Variants in SUSD1 observed in about 807,000 individuals in gnomAD.
SUSD1 encodes sushi domain-containing protein 1.
A neutral mutation model predicts 86.9 loss-of-function variants in SUSD1; 65 were observed. The ratio of observed to expected loss-of-function variants is 0.75; its 90% CI spans 0.61 to 0.92. SUSD1 has a LOEUF of 0.92. Among genes scored for constraint, SUSD1 ranks in the 40% least tolerant of loss-of-function variants. SUSD1 has a pLI of 0.00. For synonymous variants in SUSD1, 346 were observed against 350.0 expected (o/e 0.99, Z 0.13); for missense variants, 850 against 929.7 (o/e 0.91, Z 1.11).
intron 4 of SUSD1, 61 bp from the exon 5 acceptor site, chr9:112,142,560 T>G: frequency 1.8e-5 from 28 of 1,536,124 alleles, no homozygotes; most frequent in Non-Finnish European, 2.5e-5. Flanking sequence ...AAATTCACAA[T>G]CTCTCTCCAC....
intron 10 of SUSD1, among the ~76,000 whole-genome samples, chr9:112,095,654 A>C (rs1448997101): frequency 6.6e-6 from 1 of 152,196 alleles, no homozygotes. Context: ...AGGAAGTAGG[A>C]CTCACAGGCA....
chr9:112,057,390 C>A (rs1008965946), intron 14 of SUSD1, among the ~76,000 whole-genome samples: 2 of 152,200 alleles, frequency 1.3e-5, no homozygotes, highest in Non-Finnish European at 2.9e-5. Context: ...CTCTAAATTG[C>A]ACTCATGTTG....
chr9:112,130,227 G>T (rs1285694908), intron 5 of SUSD1, among the ~76,000 whole-genome samples: 1 of 152,112 alleles, frequency 6.6e-6, no homozygotes, highest in Non-Finnish European at 1.5e-5. Flanking sequence ...ACAAAAATCA[G>T]TCAGGTGTGG....
rs143115914 is a variant in SUSD1 at position 112,050,111 on chromosome 9, T to C, written c.2149+2288A>G. ...TTAATTATTCTGATAAAAGCATCTCTTTTCCTCGTGAGAACGCCATGCCCA... is the reference window on the plus strand; with the variant it reads ...TTAATTATTCTGATAAAAGCATCTCCTTTCCTCGTGAGAACGCCATGCCCA... On this transcript the variant is annotated intron_variant, in intron 15 of 16. Transcript: ENST00000374270. Among the ~76,000 whole-genome samples, 576 of 152,328 alleles carry C rather than the reference T, an allele frequency of 3.8e-3. 6 individuals carry two copies. The highest frequency in any genetic ancestry group is 0.013 in the African/African-American group (549 of 41,558).
intron 8 of SUSD1, among the ~76,000 whole-genome samples, chr9:112,107,911 T>G (rs1830920428): frequency 6.6e-6 from 1 of 152,194 alleles, no homozygotes. Context: ...TTAATAAAGT[T>G]GACTTAATAA....
intron 5 of SUSD1, among the ~76,000 whole-genome samples, chr9:112,138,764 T>C (rs1271590098): frequency 1.3e-5 from 2 of 152,182 alleles, no homozygotes; most frequent in Non-Finnish European, 2.9e-5. Context: ...AAATATTCTT[T>C]TTTAAATATT....
chr9:112,069,423 A>C (rs555357123), intron 12 of SUSD1, among the ~76,000 whole-genome samples: 2 of 152,148 alleles, frequency 1.3e-5, no homozygotes, highest in East Asian at 3.9e-4. Context: ...ATTCTGTAGG[A>C]TACAGCTGAG....
At chr9:112,047,337 C>T (rs113914119) in intron 15 of SUSD1, among the ~76,000 whole-genome samples, 6 of 152,288 alleles carry the variant, frequency 3.9e-5, no homozygotes, top group African/African-American at 1.4e-4. Context: ...CCAGGCCCCT[C>T]CTTCAATACA....
At chr9:112,090,103 TAATAA>T (rs1306403803) in intron 10 of SUSD1, among the ~76,000 whole-genome samples, 3 of 151,600 alleles carry the variant, frequency 2.0e-5, no homozygotes, top group African/African-American at 7.3e-5. Flanking sequence ...TTAGAAAAAC[TAATAA>T]AATAAACAAA....
intron 5 of SUSD1, among the ~76,000 whole-genome samples, chr9:112,130,228 T>C (rs1831956585): frequency 6.6e-6 from 1 of 151,866 alleles, no homozygotes; most frequent in Non-Finnish European, 1.5e-5. Flanking sequence ...CAAAAATCAG[T>C]CAGGTGTGGT....
chr9:112,078,486 G>C, intron 12 of SUSD1, 52 bp downstream of exon 12: 1 of 1,539,984 alleles, frequency 6.5e-7, no homozygotes, highest in South Asian at 1.2e-5. Flanking sequence ...CAGGACCTAT[G>C]AACAATTCTG....
chr9:112,144,536 T>C (rs1000714644), intron 3 of SUSD1, among the ~76,000 whole-genome samples: 2 of 151,964 alleles, frequency 1.3e-5, no homozygotes, highest in Non-Finnish European at 2.9e-5. Context: ...TCTGTAATCC[T>C]GGCACTTTGG....
At chr9:112,064,841 A>C (rs1828903776) in intron 12 of SUSD1, among the ~76,000 whole-genome samples, 2 of 148,026 alleles carry the variant, frequency 1.4e-5, no homozygotes, top group East Asian at 2.0e-4. Context: ...ATGCCACTGC[A>C]CTCCAGCCTG....
chr9:112,099,460 A>G (rs1830536604), intron 9 of SUSD1, among the ~76,000 whole-genome samples: 1 of 152,142 alleles, frequency 6.6e-6, no homozygotes, highest in Admixed American at 6.5e-5. Flanking sequence ...ACAAAAACAT[A>G]TGGGGACCAC....
intron 10 of SUSD1, among the ~76,000 whole-genome samples, chr9:112,081,361 C>T (rs1378312705): frequency 1.3e-5 from 2 of 152,096 alleles, no homozygotes; most frequent in East Asian, 3.8e-4. Context: ...CAGCTTGGCA[C>T]AAAGAAAACC....
chr9:112,159,307 G>A (rs960866768), intron 1 of SUSD1, among the ~76,000 whole-genome samples: 1 of 152,076 alleles, frequency 6.6e-6, no homozygotes, highest in Admixed American at 6.6e-5. Flanking sequence ...TGTTACCCAG[G>A]TAAGACAGCC....
At chr9:112,161,504 T>C (rs1833568430) in intron 1 of SUSD1, among the ~76,000 whole-genome samples, 1 of 151,908 alleles carries the variant, frequency 6.6e-6, no homozygotes, top group Non-Finnish European at 1.5e-5. Flanking sequence ...CATATGAACA[T>C]TCTCCCCAAT....
At chr9:112,124,679 A>C (rs998716446) in intron 5 of SUSD1, among the ~76,000 whole-genome samples, 1 of 152,232 alleles carries the variant, frequency 6.6e-6, no homozygotes, top group Non-Finnish European at 1.5e-5. Flanking sequence ...GATCTATGAA[A>C]TAATATATCT....
At chr9:112,130,176 C>A (rs1157854264) in intron 5 of SUSD1, among the ~76,000 whole-genome samples, 1 of 152,048 alleles carries the variant, frequency 6.6e-6, no homozygotes, top group Non-Finnish European at 1.5e-5. Flanking sequence ...AGTTCAAGAC[C>A]AGCCTGGCAA....
Sources: gnomAD v4.1 joint callset for allele counts (sites outside exome capture counted in the v4.1 genomes callset) on GRCh38, gnomAD v4.1.1 for gene constraint, MANE v1.5 for transcripts, NCBI Gene and HGNC (gene_info 2026-07-23, HGNC 2026-07-21) for gene names.